Variants in RBM6 observed in about 807,000 individuals in gnomAD.
The protein encoded by RBM6 is RNA binding motif protein 6.
Under a neutral mutation model 140.4 loss-of-function variants are expected in RBM6, and 23 were observed. That is an observed-to-expected ratio of 0.16 (90% CI 0.12 to 0.23). The LOEUF is 0.23. RBM6 is among the 10% of genes least tolerant of loss of function. The probability of loss-of-function intolerance (pLI) is 1.00; values close to 1 mark genes in which losing one functional copy is unlikely to be tolerated. For missense variants in RBM6, 1,139 were observed against 1,386.7 expected (o/e 0.82, Z 2.84); for synonymous variants, 439 against 475.6 (o/e 0.92, Z 1.00).
chr3:49,971,822 G>A lies in RBM6; in HGVS notation c.1324-237G>A, dbSNP rs563917146. Among the ~76,000 whole-genome samples, 453 of 152,240 alleles carry A rather than the reference G, an allele frequency of 3.0e-3. 2 individuals carry two copies. Among genetic ancestry groups the A allele is most frequent in the Middle Eastern group, 0.01 (3 of 294 alleles). ...AAAGTCTTACTCAGTCTTGTCTCTCGTAATGTTTTGCTTTACTTTGAAGAC... is the reference window on the plus strand; with the variant it reads ...AAAGTCTTACTCAGTCTTGTCTCTCATAATGTTTTGCTTTACTTTGAAGAC... On this transcript the variant is annotated intron_variant, in intron 3 of 20. Coordinates refer to ENST00000266022, the MANE Select transcript of RBM6 (RefSeq NM_005777.3).
chr3:49,986,070 TCCACCTC>T (rs1489256310), intron 5 of RBM6, among the ~76,000 whole-genome samples: 1 of 151,864 alleles, frequency 6.6e-6, no homozygotes, highest in Non-Finnish European at 1.5e-5. Context: ...ACTGGCAACC[TCCACCTC>T]CCAGGTACAA....
At chr3:50,049,063 A>G (rs1374533684) in intron 7 of RBM6, among the ~76,000 whole-genome samples, 1 of 151,398 alleles carries the variant, frequency 6.6e-6, no homozygotes, top group Non-Finnish European at 1.5e-5. Context: ...CAGCCTCCCA[A>G]AGTGCTGGGA....
chr3:49,998,608 C>T (rs1288963646), intron 5 of RBM6, among the ~76,000 whole-genome samples: 1 of 152,186 alleles, frequency 6.6e-6, no homozygotes, highest in African/African-American at 2.4e-5. Context: ...ATACAACTCT[C>T]AGGCCTGTGC....
At position 49,968,317 on chromosome 3, in the gene RBM6, C is replaced by T; in HGVS notation, c.892C>T (p.Pro298Ser). 1 of 1,614,090 alleles carries T rather than the reference C, an allele frequency of 6.2e-7. No homozygotes were observed. The highest frequency in any genetic ancestry group is 8.5e-7 in the Non-Finnish European group (1 of 1,180,014). The change falls in exon 3 of 21, where the codon CCC becomes TCC. Residue 298 changes from proline to serine, a missense_variant. Transcript: ENST00000266022. Reference sequence around the variant, plus strand: ...TCCAAATATTTTGGATTACATTCAGCCCTCTACACAAGATAGAGAACATTC... The same window carrying T: ...TCCAAATATTTTGGATTACATTCAGTCCTCTACACAAGATAGAGAACATTC... Reference protein sequence around the residue: ...VDPNILDYIQPSTQDREHSGM... With the variant: ...VDPNILDYIQSSTQDREHSGM...
chr3:49,963,125 G>GAAAA (rs911374200), intron 2 of RBM6: 1 of 145,268 alleles, frequency 6.9e-6, no homozygotes, highest in African/African-American at 2.5e-5. Context: ...AAAAAAAAAA[G>GAAAA]AAAAAAAAAG....
At chr3:50,021,740 CTTTTTTTTTTTTTTTTTTT>C (rs542734328) in intron 6 of RBM6, among the ~76,000 whole-genome samples, 1 of 42,732 alleles carries the variant, frequency 2.3e-5, no homozygotes, top group South Asian at 1.4e-3. Context: ...AATTTAAGTG[CTTTTTTTTTTTTTTTTTTT>C]TTTTTTTTTT....
At chr3:49,966,892 T>A (rs2084538663) in intron 2 of RBM6, among the ~76,000 whole-genome samples, 1 of 152,198 alleles carries the variant, frequency 6.6e-6, no homozygotes, top group Non-Finnish European at 1.5e-5. Flanking sequence ...AACACTGGTG[T>A]GCTTGTTCCT....
At position 49,967,439 on chromosome 3, in the gene RBM6, A is replaced by T. The variant is rs1277562249; in HGVS notation, c.45-31A>T. 1.9e-6 allele frequency: 3 copies of T among 1,591,774 alleles called. No individual in the cohort carries two copies. The highest frequency in any genetic ancestry group is 2.6e-6 in the Non-Finnish European group (3 of 1,167,260). On this transcript the variant is annotated intron_variant, in intron 2 of 20. Coordinates refer to ENST00000266022, the MANE Select transcript of RBM6 (RefSeq NM_005777.3). The surrounding 1 kb of genome is among the most constrained non-coding windows in gnomAD (Gnocchi z 4.0). ...TGTGTAGATTTCAAACTCTCTGGAC[A>T]ATATGAATAACACTGTCTTTGTTTC... is the stretch of plus-strand genomic sequence containing the variant.
chr3:49,946,879 G>C (rs1159145803), intron 1 of RBM6, among the ~76,000 whole-genome samples: 1 of 150,548 alleles, frequency 6.6e-6, no homozygotes, highest in Non-Finnish European at 1.5e-5. Flanking sequence ...AGCTATCCTA[G>C]TGGATGTGAA....
intron 6 of RBM6, among the ~76,000 whole-genome samples, chr3:50,046,170 A>G (rs1322363644): frequency 3.3e-5 from 5 of 151,292 alleles, no homozygotes; most frequent in Admixed American, 2.6e-4. Context: ...AGTCCCAGCT[A>G]CTCGGGAGGC....
At position 49,991,601 on chromosome 3, in the gene RBM6, C is replaced by G. The variant is rs574771108; in HGVS notation, c.1484-7839C>G. On this transcript the variant is annotated intron_variant, in intron 5 of 20. Coordinates refer to ENST00000266022, the MANE Select transcript of RBM6 (RefSeq NM_005777.3). ...CAGGAACCTGGGACAGACCAAGTAT[C>G]TTTCTGTGATACCACAGAATGGGAC... 3.3e-5 allele frequency among the ~76,000 whole-genome samples: 5 copies of G among 152,310 alleles called. No individual in the cohort carries two copies. The South Asian group carries it at 1.0e-3, about 32-fold the overall frequency.
intron 1 of RBM6, among the ~76,000 whole-genome samples, chr3:49,960,514 G>C (rs971482258): frequency 6.6e-6 from 1 of 152,166 alleles, no homozygotes; most frequent in African/African-American, 2.4e-5. Flanking sequence ...TTGATACACA[G>C]AAGTTTTTAA....
In RBM6 at chr3:49,968,408, G is replaced by T; in HGVS notation, c.983G>T (p.Gly328Val). 6.2e-7 allele frequency: 1 copy of T among 1,614,108 alleles called. No individual in the cohort carries two copies. Among genetic ancestry groups the T allele is most frequent in the Non-Finnish European group, 8.5e-7 (1 of 1,180,016 alleles). The change falls in exon 3 of 21, where the codon GGC becomes GTC. Residue 328 changes from glycine to valine, a missense_variant. Physicochemically the swap from Gly to Val is moderately radical, Grantham distance 109 (BLOSUM62 -3). Around this residue, in one of 9 missense-constraint regions of RBM6, gnomAD observed 566 missense variants for 612.7 expected, o/e 0.92. Transcript: ENST00000266022. ...HDHTIERPAF[G>V]IQKGEFEHSE... ...CATACGATAGAAAGGCCTGCTTTTG[G>T]CATTCAGAAGGGAGAATTTGAGCAT...
intron 6 of RBM6, among the ~76,000 whole-genome samples, chr3:50,047,627 C>T (rs1218164260): frequency 1.3e-5 from 2 of 152,150 alleles, no homozygotes; most frequent in East Asian, 1.9e-4. Flanking sequence ...ATACCGCCGC[C>T]GCCGCTGTTG....
At chr3:49,959,072 C>G (rs9825944) in intron 1 of RBM6, among the ~76,000 whole-genome samples, 2 of 150,148 alleles carry the variant, frequency 1.3e-5, no homozygotes, top group Admixed American at 6.6e-5. Context: ...GGATTACAGG[C>G]GTGAGCCACT....
At chr3:49,993,189 G>A (rs2085905708) in intron 5 of RBM6, among the ~76,000 whole-genome samples, 2 of 152,150 alleles carry the variant, frequency 1.3e-5, no homozygotes, top group African/African-American at 2.4e-5. Flanking sequence ...GAGTAAGGGC[G>A]AGTGTTTCCT....
chr3:49,984,128 C>CA (rs754684373), intron 5 of RBM6, among the ~76,000 whole-genome samples: 7 of 151,390 alleles, frequency 4.6e-5, no homozygotes, highest in African/African-American at 9.7e-5. Flanking sequence ...TCTATCTCTC[C>CA]AAAAAAAATA....
rs576186881 is a variant in RBM6, at chr3:50,029,174, T to C, written c.1558-19071T>C. Among the ~76,000 whole-genome samples the C allele has an allele frequency of 9.8e-5, 15 of 152,292 alleles. No homozygotes were observed. The South Asian group carries it at 2.9e-3, about 29-fold the overall frequency. On this transcript the variant is annotated intron_variant, in intron 6 of 20. Coordinates refer to ENST00000266022, the MANE Select transcript of RBM6 (RefSeq NM_005777.3). Reference sequence around the variant, plus strand: ...TTGATGACATGGTGGATTACAAGAATGTAACAGTATCAAAATGATACTATC... The same window carrying C: ...TTGATGACATGGTGGATTACAAGAACGTAACAGTATCAAAATGATACTATC...
chr3:49,947,268 G>C (rs967393667), intron 1 of RBM6, among the ~76,000 whole-genome samples: 29 of 103,176 alleles, frequency 2.8e-4, no homozygotes, highest in African/African-American at 6.1e-4. Flanking sequence ...AAAAAGGGGG[G>C]GGGGGGGGGT....
Sources: allele counts gnomAD v4.1 joint callset (sites outside exome capture counted in the v4.1 genomes callset), GRCh38; gene constraint gnomAD v4.1.1; regional missense constraint gnomAD v4.1.1; non-coding constraint Gnocchi (gnomAD v3.1); transcripts MANE v1.5; gene names NCBI Gene and HGNC (gene_info 2026-07-23, HGNC 2026-07-21).